Variants in ZNF215 observed in about 807,000 individuals in gnomAD.
ZNF215 encodes BWSCR2-associated zinc finger protein 2.
ZNF215 carries 24 observed loss-of-function variants against 27.2 expected under a neutral mutation model. That is an observed-to-expected ratio of 0.88 (90% CI 0.64 to 1.24). The LOEUF is 1.24. Ranked by LOEUF, ZNF215 falls within the 50% of genes most tolerant of loss-of-function variation. The pLI, the probability that ZNF215 is intolerant of heterozygous loss-of-function variation, is 0.00. For missense variants in ZNF215, 675 were observed against 605.7 expected, an observed-to-expected ratio of 1.11 and a Z score of -1.20; for synonymous variants, 210 against 204.0, an observed-to-expected ratio of 1.03 and a Z score of -0.25.
chr11:6,954,714 C>T (rs540483735), intron 6 of ZNF215, among the ~76,000 whole-genome samples: 48 of 152,314 alleles, frequency 3.2e-4, no homozygotes, highest in African/African-American at 7.9e-4. Context: ...CGCCCTGCTT[C>T]GGCTTGCGCA....
downstream of ZNF215, among the ~76,000 whole-genome samples, chr11:6,989,426 T>C (rs1851095231): frequency 6.6e-6 from 1 of 152,154 alleles, no homozygotes; most frequent in Admixed American, 6.5e-5. Context: ...TCTGATATAC[T>C]ACTAGGCCCT....
chr11:6,953,870 C>G (rs1202510389), intron 6 of ZNF215, among the ~76,000 whole-genome samples: 1 of 152,142 alleles, frequency 6.6e-6, no homozygotes, highest in African/African-American at 2.4e-5. Context: ...GTGGTTTTAT[C>G]TACTTTTAGT....
intron 5 of ZNF215, among the ~76,000 whole-genome samples, chr11:6,967,269 A>G (rs1203831104): frequency 6.6e-6 from 1 of 152,198 alleles, no homozygotes; most frequent in Non-Finnish European, 1.5e-5. Flanking sequence ...TGCAATAAAC[A>G]TACATGTATG....
At chr11:6,981,917 G>T (rs1481114659) in intron 5 of ZNF215, among the ~76,000 whole-genome samples, 1 of 152,068 alleles carries the variant, frequency 6.6e-6, no homozygotes, top group Non-Finnish European at 1.5e-5. Flanking sequence ...TCAGATAGTT[G>T]TAGATATGCG....
intron 4 of ZNF215, among the ~76,000 whole-genome samples, chr11:6,942,841 T>C (rs1175634117): frequency 6.6e-6 from 1 of 152,204 alleles, no homozygotes; most frequent in Non-Finnish European, 1.5e-5. Flanking sequence ...TAAGCTACTT[T>C]AGAATAAGGA....
At chr11:6,969,907 G>C (rs1174351671) in intron 5 of ZNF215, among the ~76,000 whole-genome samples, 1 of 152,030 alleles carries the variant, frequency 6.6e-6, no homozygotes. Context: ...CAGCCTCCTG[G>C]GTAGCTGGGA....
downstream of ZNF215, among the ~76,000 whole-genome samples, chr11:6,991,207 G>A (rs1178276374): frequency 2.6e-5 from 4 of 152,168 alleles, no homozygotes; most frequent in African/African-American, 9.7e-5. Context: ...GTAGAGTTCT[G>A]GACAACCGCT....
chr11:6,968,956 T>G (rs1850674252), intron 5 of ZNF215, among the ~76,000 whole-genome samples: 1 of 152,162 alleles, frequency 6.6e-6, no homozygotes, highest in African/African-American at 2.4e-5. Context: ...ACAAGCTGCT[T>G]CTGGTTTTCC....
At chr11:6,934,755 G>A (rs905077836) in intron 3 of ZNF215, among the ~76,000 whole-genome samples, 1 of 152,144 alleles carries the variant, frequency 6.6e-6, no homozygotes, top group African/African-American at 2.4e-5. Flanking sequence ...CTCATCTTAA[G>A]GTCCTTGACT....
chr11:6,981,157 T>C (rs1590088391), intron 5 of ZNF215, among the ~76,000 whole-genome samples: 1 of 151,006 alleles, frequency 6.6e-6, no homozygotes, highest in East Asian at 2.0e-4. Flanking sequence ...ATGGTATTTC[T>C]AGTTCTAGAT....
chr11:6,989,150 C>CAAAAAAAAAAAAAAAAAAAAAAAAAA (rs71056776), downstream of ZNF215, among the ~76,000 whole-genome samples: 1 of 76,784 alleles, frequency 1.3e-5, no homozygotes, highest in African/African-American at 4.9e-5. Flanking sequence ...AGATCCGTCT[C>CAAAAAAAAAAAAAAAAAAAAAAAAAA]AAAAAAAAAA....
Position 6,955,997 on chromosome 11 carries a change from C to T in ZNF215, c.1020C>T (p.Tyr340=). The change falls in exon 7 of 7, where the codon TAC becomes TAT. Residue 340 remains tyrosine (Y), a synonymous_variant. Transcript: ENST00000278319. ...GSPKCDKFKT[Y]FKFNLDSVGK... is the part of the protein sequence containing the mutation. Reference sequence around the variant, plus strand: ...CAAAATGTGATAAGTTTAAAACTTACTTCAAATTTAATTTAGACTCAGTAG... The same window carrying T: ...CAAAATGTGATAAGTTTAAAACTTATTTCAAATTTAATTTAGACTCAGTAG... The T allele has an allele frequency of 6.2e-7, 1 of 1,612,026 alleles. No homozygotes were observed. The highest frequency in any genetic ancestry group is 1.1e-5 in the South Asian group (1 of 90,460).
Position 6,956,077 on chromosome 11 carries a change from T to C in ZNF215, c.1100T>C (p.Ile367Thr), listed in dbSNP as rs776230855. Residue 367 changes from isoleucine (I) to threonine (T), a missense_variant, in exon 7 of 7, where the codon ATT becomes ACT. By Grantham distance (89) the Ile-to-Thr change is moderately conservative. Coordinates refer to ENST00000278319, the MANE Select transcript of ZNF215 (RefSeq NM_013250.4). The stretch of plus-strand genomic sequence containing the variant: ...AATGACTTGAGTTTGAGTACAGATA[T>C]TCGACACCAAAAAAGTCATACTACA... ...YGNDLSLSTD[I>T]RHQKSHTTMN... 5 of 1,611,992 alleles carry C rather than the reference T, an allele frequency of 3.1e-6. No individual in the cohort carries two copies. The highest frequency in any genetic ancestry group is 4.2e-6 in the Non-Finnish European group (5 of 1,179,492).
Position 6,943,269 on chromosome 11 carries a change from TA to T in ZNF215, c.616+58del. 3.8e-6 allele frequency: 6 copies of T among 1,566,568 alleles called. No individual in the cohort carries two copies. The South Asian group carries it at 6.1e-5, about 16-fold the overall frequency. The stretch of plus-strand genomic sequence containing the variant: ...CCATTTAGTAATCTCTTCCTACCGT[TA>T]AAAGCTATAGGACTGCTGAAGTGGC... On this transcript the variant is annotated intron_variant, in intron 5 of 6. Transcript: ENST00000278319.
At chr11:6,958,452 A>G (rs889165760), downstream of ZNF215, among the ~76,000 whole-genome samples, 1 of 152,226 alleles carries the variant, frequency 6.6e-6, no homozygotes, top group African/African-American at 2.4e-5. Context: ...CACTAAGTTT[A>G]ACATAACATA....
At chr11:6,962,299 T>C (rs778896324), downstream of ZNF215, among the ~76,000 whole-genome samples, 11 of 152,138 alleles carry the variant, frequency 7.2e-5, no homozygotes, top group Non-Finnish European at 1.3e-4. Context: ...ATCAACCCTC[T>C]TATCTCCTGC....
downstream of ZNF215, among the ~76,000 whole-genome samples, chr11:6,989,848 C>A (rs1355473585): frequency 6.6e-6 from 1 of 152,122 alleles, no homozygotes; most frequent in Non-Finnish European, 1.5e-5. Flanking sequence ...GTCATGTAAC[C>A]TGAGTATGCC....
rs1850308467 is a variant in ZNF215 at position 6,955,744 on chromosome 11, T to G, written c.767T>G (p.Leu256Arg). The G allele has an allele frequency of 1.2e-6, 2 of 1,604,618 alleles. No individual in the cohort carries two copies. The highest frequency in any genetic ancestry group is 1.7e-6 in the Non-Finnish European group (2 of 1,177,260). Residue 256 changes from leucine to arginine, a missense_variant, in exon 7 of 7, where the codon CTT becomes CGT. Leu to Arg is a moderately radical substitution (Grantham distance 102). Coordinates refer to ENST00000278319, the MANE Select transcript of ZNF215 (RefSeq NM_013250.4). ...ESSHGVIMTR[L>R]TESGHPSSDA... is the part of the protein sequence containing the mutation. ...TCCCATGGAGTGATTATGACAAGGC[T>G]TACCGAAAGTGGACACCCTTCTTCA...
chr11:6,983,088 T>C (rs1234395080), intron 5 of ZNF215, among the ~76,000 whole-genome samples: 11 of 151,670 alleles, frequency 7.3e-5, no homozygotes, highest in East Asian at 5.8e-4. Context: ...CACCACCGAT[T>C]CCACAGAAAT....
Sources: gnomAD v4.1 joint callset for allele counts (sites outside exome capture counted in the v4.1 genomes callset) on GRCh38, gnomAD v4.1.1 for gene constraint, MANE v1.5 for transcripts, NCBI Gene and HGNC (gene_info 2026-07-23, HGNC 2026-07-21) for gene names.